The following ZNF334 variants were observed in gnomAD, a reference collection of about 807,000 sequenced individuals.
ZNF334 encodes zinc finger protein 334.
A neutral mutation model predicts 12.4 loss-of-function variants in ZNF334; 14 were observed. The ratio of observed to expected loss-of-function variants is 1.13; its 90% CI spans 0.74 to 1.76. The LOEUF is 1.76. ZNF334 is among the 40% of genes most tolerant of loss of function. ZNF334 has a pLI of 0.00. For synonymous variants in ZNF334, 273 were observed against 269.6 expected (o/e 1.01, Z -0.12); for missense variants, 797 against 804.5 (o/e 0.99, Z 0.11).
rs2061467418 is a variant in ZNF334 at position 46,507,267 on chromosome 20, GAAAT to G, written c.22-2531_22-2528del. Among the ~76,000 whole-genome samples, 7 of 151,798 alleles carry G rather than the reference GAAAT, an allele frequency of 4.6e-5. No individual in the cohort carries two copies. In the East Asian group the frequency reaches 1.4e-3, roughly 30 times the overall value. On this transcript the variant is annotated intron_variant, in intron 2 of 4. Coordinates refer to ENST00000692313, the MANE Select transcript of ZNF334 (RefSeq NM_001353824.2). ...GGGAAAGGGAAGGGGAAGGGGAAAG[GAAAT>G]AAAGAAAAGGCTAGGATGAACCCTG...
chr20:46,470,839 C>T, the ZNF334 span, among the ~76,000 whole-genome samples: 14 of 152,090 alleles, frequency 9.2e-5, no homozygotes, highest in African/African-American at 3.4e-4. Flanking sequence ...AGTACACTGC[C>T]ATATAATTAT....
intron 2 of ZNF334, 87 bp from the exon 3 acceptor site, chr20:46,504,827 G>C (rs2061375811): frequency 4.0e-6 from 5 of 1,235,842 alleles, no homozygotes; most frequent in Non-Finnish European, 5.6e-6. Context: ...CCACTGCCAT[G>C]GCTAATGGAA....
the ZNF334 span, among the ~76,000 whole-genome samples, chr20:46,481,513 A>C: frequency 3.3e-5 from 5 of 152,228 alleles, no homozygotes; most frequent in African/African-American, 1.2e-4. Flanking sequence ...AATTTGTTTG[A>C]AAACTTTTAA....
downstream of ZNF334, among the ~76,000 whole-genome samples, chr20:46,499,173 C>CA (rs61489091): frequency 3.6e-3 from 216 of 59,804 alleles, 15 homozygotes; most frequent in African/African-American, 4.2e-3. Flanking sequence ...GACTCCGTCT[C>CA]AAAAAAAAAA....
chr20:46,501,505 T>C lies in ZNF334; in HGVS notation c.1834A>G (p.Lys612Glu). Reference sequence around the variant, plus strand: ...CTTCTATGGACTCTGAAGGCTGACTTATGGCAGAAGGATTTCCCACATTCA... The same window carrying C: ...CTTCTATGGACTCTGAAGGCTGACTCATGGCAGAAGGATTTCCCACATTCA... ...CNECGKSFCH[K>E]SAFRVHRRIH... The change falls in exon 5 of 5, where the codon AAG becomes GAG. Residue 612 changes from lysine (K) to glutamate (E), a missense_variant. Transcript: ENST00000692313. The C allele has an allele frequency of 6.2e-7, 1 of 1,614,166 alleles. No homozygotes were observed. The highest frequency in any genetic ancestry group is 1.3e-5 in the African/African-American group (1 of 75,068).
rs1210904034 is a variant in ZNF334 at position 46,502,796 on chromosome 20, G to GT, written c.542dup (p.Tyr181Ter). 1 of 1,613,824 alleles carries GT rather than the reference G, an allele frequency of 6.2e-7. No individual in the cohort carries two copies. Among genetic ancestry groups the GT allele is most frequent in the Admixed American group, 1.7e-5 (1 of 60,018 alleles). The stretch of plus-strand genomic sequence containing the variant: ...TGGCTTTCCTCATTGGATTGTATCT[G>GT]TATTTTTTCATTCCCAAATGACTTT... ...HEKSHLGMKKYRYNPMRKASN... is the reference protein window; with the variant it reads ...HEKSHLGMKK Residue 181 changes from tyrosine to a stop codon, truncating the protein, a stop_gained and frameshift_variant, in exon 5 of 5, where the codon TAC (tyrosine) becomes TAAC (stop). Coordinates refer to ENST00000692313, the MANE Select transcript of ZNF334 (RefSeq NM_001353824.2). LOFTEE classifies it low-confidence loss of function (END_TRUNC).
At chr20:46,499,543 T>C (rs2061084231), downstream of ZNF334, 1 of 152,234 alleles carries the variant, frequency 6.6e-6, no homozygotes, top group Non-Finnish European at 1.5e-5. Context: ...ATTAAACTTC[T>C]TGGACTTGTG....
chr20:46,512,232 A>C (rs1601083785), intron 1 of ZNF334, 92 bp from the exon 2 acceptor site: 9 of 903,478 alleles, frequency 1.0e-5, no homozygotes, highest in East Asian at 2.5e-5. Flanking sequence ...CCCATTTAAA[A>C]ACATGGCCCT....
At chr20:46,512,467 C>G (rs1412010293) in intron 1 of ZNF334, 73 bp downstream of exon 1, 1 of 173,572 alleles carries the variant, frequency 5.8e-6, no homozygotes, top group Non-Finnish European at 1.2e-5. Context: ...GCCTGGAACA[C>G]TATTTTGGCA....
chr20:46,495,931 C>A (rs141237971), downstream of ZNF334, among the ~76,000 whole-genome samples: 5 of 152,140 alleles, frequency 3.3e-5, no homozygotes, highest in African/African-American at 1.2e-4. Context: ...TGCATGGCCA[C>A]GGTGGTAAAT....
rs147309710 is a variant in ZNF334, at chr20:46,510,055, G to C, written c.21+2027C>G. Among the ~76,000 whole-genome samples the C allele has an allele frequency of 1.2e-3, 179 of 152,266 alleles. 3 individuals carry two copies. The South Asian group carries it at 0.03, about 25-fold the overall frequency. On this transcript the variant is annotated intron_variant, in intron 2 of 4. Coordinates refer to ENST00000692313, the MANE Select transcript of ZNF334 (RefSeq NM_001353824.2). Reference sequence around the variant, plus strand: ...ATTGTTTGATCAATATACAGTTGTTGAATGAAAGGTCCAGAGTGGTAGGAA... The same window carrying C: ...ATTGTTTGATCAATATACAGTTGTTCAATGAAAGGTCCAGAGTGGTAGGAA...
In ZNF334 at chr20:46,501,107, A is replaced by T; in HGVS notation, c.*189T>A. On this transcript the variant is annotated 3_prime_UTR_variant, in exon 5 of 5. Coordinates refer to ENST00000692313, the MANE Select transcript of ZNF334 (RefSeq NM_001353824.2). Reference sequence around the variant, plus strand: ...TTTCATAGTTCACAATGAATAATACATTTATTAAACAAATTATTTCTTTCC... The same window carrying T: ...TTTCATAGTTCACAATGAATAATACTTTTATTAAACAAATTATTTCTTTCC... 1.5e-6 allele frequency: 1 copy of T among 648,142 alleles called. No homozygotes were observed. The highest frequency in any genetic ancestry group is 2.5e-6 in the Non-Finnish European group (1 of 402,338). 40.1% of individuals were successfully genotyped at this position (648,142 alleles called of 1,614,324 possible). A position where few individuals can be genotyped will look rare whatever the true frequency, so the allele number is the denominator to read the frequency against.
At chr20:46,494,080 ATAT>A in the ZNF334 span, among the ~76,000 whole-genome samples, 2 of 152,240 alleles carry the variant, frequency 1.3e-5, no homozygotes, top group Non-Finnish European at 2.9e-5. Context: ...ATTACTGGGA[ATAT>A]TATGTTATTT....
chr20:46,485,368 TC>T, the ZNF334 span, among the ~76,000 whole-genome samples: 4 of 151,904 alleles, frequency 2.6e-5, no homozygotes, highest in African/African-American at 9.7e-5. Flanking sequence ...GCTGAATAGG[TC>T]AAAAAACTTG....
chr20:46,513,414 C>T lies in ZNF334; in HGVS notation c.-913G>A. 1 of 152,708 alleles carries T rather than the reference C, an allele frequency of 6.5e-6. No homozygotes were observed. The highest frequency in any genetic ancestry group is 1.5e-5 in the Non-Finnish European group (1 of 68,370). 9.5% of individuals were successfully genotyped at this position (152,708 alleles called of 1,614,324 possible). A position where few individuals can be genotyped will look rare whatever the true frequency, so the allele number is the denominator to read the frequency against. On this transcript the variant is annotated 5_prime_UTR_variant, in exon 1 of 5. Coordinates refer to ENST00000692313, the MANE Select transcript of ZNF334 (RefSeq NM_001353824.2). ...GCCCGCTCCGCCCGGCCCCACCGTTCCCTCCGACGCCCGAGTGCTCAGAGC... is the reference window on the plus strand; with the variant it reads ...GCCCGCTCCGCCCGGCCCCACCGTTTCCTCCGACGCCCGAGTGCTCAGAGC...
At chr20:46,489,121 C>T in the ZNF334 span, among the ~76,000 whole-genome samples, 3 of 151,962 alleles carry the variant, frequency 2.0e-5, no homozygotes, top group Admixed American at 6.6e-5. Flanking sequence ...TCCCTGCCCC[C>T]GACCCCCTTC....
the ZNF334 span, among the ~76,000 whole-genome samples, chr20:46,478,608 C>T: frequency 1.3e-5 from 2 of 152,098 alleles, no homozygotes; most frequent in Non-Finnish European, 2.9e-5. Context: ...CATGTCCGAC[C>T]CCACTTCCCA....
the ZNF334 span, chr20:46,474,379 CA>C: frequency 0.41 from 51,441 of 124,460 alleles, 10,177 homozygotes; most frequent in African/African-American, 0.61. Flanking sequence ...GACCGTATCT[CA>C]AAAAAAAAAA....
chr20:46,501,990 G>A lies in ZNF334; in HGVS notation c.1349C>T (p.Ala450Val). The A allele has an allele frequency of 1.2e-6, 2 of 1,613,926 alleles. No individual in the cohort carries two copies. The highest frequency in any genetic ancestry group is 1.7e-5 in the Admixed American group (1 of 60,022). ...CTTTCCTCTATGAGTTATCTGATGT[G>A]CAATGAGGGCTGATTTCGTACATAA... The part of the protein sequence containing the change: ...KFLCTKSALI[A>V]HQITHRGKKS... The change falls in exon 5 of 5, where the codon GCA becomes GTA. Residue 450 changes from alanine (A) to valine (V), a missense_variant. Transcript: ENST00000692313.
Sources: gnomAD v4.1 joint callset for allele counts (sites outside exome capture counted in the v4.1 genomes callset) on GRCh38, gnomAD v4.1.1 for gene constraint, MANE v1.5 for transcripts, NCBI Gene and HGNC (gene_info 2026-07-23, HGNC 2026-07-21) for gene names.